TENM3: variants seen among roughly 807,000 people sequenced by gnomAD.
TENM3 encodes teneurin-3.
Under a neutral mutation model 255.1 loss-of-function variants are expected in TENM3, and 63 were observed. That is an observed-to-expected ratio of 0.25 (90% CI 0.20 to 0.30). TENM3 has a LOEUF of 0.30. TENM3 is among the 10% of genes least tolerant of loss of function. TENM3 has a pLI of 1.00. For synonymous variants in TENM3, 1,306 were observed against 1,322.3 expected, an observed-to-expected ratio of 0.99 and a Z score of 0.27; for missense variants, 2,929 against 3,461.1, an observed-to-expected ratio of 0.85 and a Z score of 3.86.
At chr4:182,614,213 T>C (rs1749266125) in intron 4 of TENM3, among the ~76,000 whole-genome samples, 1 of 152,200 alleles carries the variant, frequency 6.6e-6, no homozygotes, top group Admixed American at 6.5e-5. Flanking sequence ...AGAGGCACTT[T>C]AGTGGGAATC....
At chr4:182,736,485 T>G (rs1761175159) in intron 16 of TENM3, among the ~76,000 whole-genome samples, 1 of 152,242 alleles carries the variant, frequency 6.6e-6, no homozygotes, top group South Asian at 2.1e-4. Context: ...GTTTCCCGTA[T>G]GAAGAGTAGC....
At chr4:182,354,602 A>G (rs969947240) in intron 3 of TENM3, among the ~76,000 whole-genome samples, 10 of 152,210 alleles carry the variant, frequency 6.6e-5, no homozygotes, top group Admixed American at 2.0e-4. Flanking sequence ...TTACATACAC[A>G]TATAATTTTA....
chr4:182,285,193 A>G (rs1760656101), intron 1 of TENM3, among the ~76,000 whole-genome samples: 1 of 152,054 alleles, frequency 6.6e-6, no homozygotes, highest in Non-Finnish European at 1.5e-5. Context: ...CTTTGGGTTA[A>G]GCATGGATGG....
At chr4:181,684,585 G>A in the TENM3 span, among the ~76,000 whole-genome samples, 1 of 152,198 alleles carries the variant, frequency 6.6e-6, no homozygotes, top group Non-Finnish European at 1.5e-5. Flanking sequence ...TGCATCAAGA[G>A]CTGGATTGAA....
the TENM3 span, among the ~76,000 whole-genome samples, chr4:181,551,099 C>A: frequency 6.6e-6 from 1 of 151,944 alleles, no homozygotes; most frequent in South Asian, 2.1e-4. Flanking sequence ...CTTTTTTTCC[C>A]CCACCCCTGG....
chr4:181,685,419 T>C, the TENM3 span, among the ~76,000 whole-genome samples: 2 of 152,204 alleles, frequency 1.3e-5, no homozygotes, highest in East Asian at 1.9e-4. Context: ...GTTGGTGCTA[T>C]AGTGAAATCC....
the TENM3 span, among the ~76,000 whole-genome samples, chr4:182,029,633 G>A: frequency 6.6e-6 from 1 of 152,082 alleles, no homozygotes; most frequent in South Asian, 2.1e-4. Context: ...TATTTTGTCT[G>A]ATGTAAGAGT....
intron 11 of TENM3, among the ~76,000 whole-genome samples, chr4:182,686,555 C>CGAA (rs1177720317): frequency 1.3e-5 from 2 of 151,960 alleles, no homozygotes; most frequent in African/African-American, 4.8e-5. Flanking sequence ...ACTTTACACC[C>CGAA]GAAGAAACAT....
intron 11 of TENM3, among the ~76,000 whole-genome samples, chr4:182,683,773 T>C (rs2152569038): frequency 6.6e-6 from 1 of 152,196 alleles, no homozygotes; most frequent in Admixed American, 6.5e-5. Flanking sequence ...GCATGAATTG[T>C]GAGACTTTGA....
intron 1 of TENM3, among the ~76,000 whole-genome samples, chr4:182,202,298 A>C (rs1579695745): frequency 1.6e-5 from 2 of 123,320 alleles, no homozygotes; most frequent in South Asian, 4.7e-4. Context: ...TGTGCACTGC[A>C]CTTTTTTTTT....
chr4:182,259,589 G>A (rs1430958865), intron 1 of TENM3, among the ~76,000 whole-genome samples: 28 of 152,158 alleles, frequency 1.8e-4, no homozygotes, highest in Admixed American at 1.8e-3. Flanking sequence ...CTGGGAACAG[G>A]TGTAAGCCAC....
chr4:182,768,031 C>T (rs1202090435), intron 22 of TENM3, among the ~76,000 whole-genome samples: 1 of 152,168 alleles, frequency 6.6e-6, no homozygotes, highest in Non-Finnish European at 1.5e-5. Flanking sequence ...ACGACATATG[C>T]TGGTCTCGTG....
chr4:181,495,564 A>T, the TENM3 span, among the ~76,000 whole-genome samples: 5 of 151,818 alleles, frequency 3.3e-5, no homozygotes, highest in Admixed American at 2.6e-4. Flanking sequence ...CACGAGAGAG[A>T]GAGAGAGAGA....
intron 3 of TENM3, among the ~76,000 whole-genome samples, chr4:182,496,793 C>T (rs899422037): frequency 2.0e-5 from 3 of 151,994 alleles, no homozygotes; most frequent in African/African-American, 7.3e-5. Flanking sequence ...GCTGGATGTG[C>T]TAGGAAATGA....
At chr4:181,699,442 C>CAAAAAAAAAAAAAAA in the TENM3 span, among the ~76,000 whole-genome samples, 248 of 44,080 alleles carry the variant, frequency 5.6e-3, 5 homozygotes, top group Middle Eastern at 0.033. Flanking sequence ...GACCCTGTCG[C>CAAAAAAAAAAAAAAA]AAAAAAAAAA....
intron 3 of TENM3, among the ~76,000 whole-genome samples, chr4:182,348,322 C>A (rs1764962440): frequency 6.6e-6 from 1 of 152,040 alleles, no homozygotes; most frequent in Non-Finnish European, 1.5e-5. Flanking sequence ...CTCAGTAAAT[C>A]CTGTGTTTCT....
chr4:182,345,562 A>T (rs1764746496), intron 2 of TENM3, among the ~76,000 whole-genome samples: 1 of 152,128 alleles, frequency 6.6e-6, no homozygotes, highest in African/African-American at 2.4e-5. Flanking sequence ...TTGGCACCTA[A>T]ATCTCACACT....
the TENM3 span, among the ~76,000 whole-genome samples, chr4:182,034,696 T>G: frequency 6.6e-6 from 1 of 152,226 alleles, no homozygotes; most frequent in African/African-American, 2.4e-5. Context: ...TCTTTAAGAA[T>G]GTTGAATATC....
the TENM3 span, among the ~76,000 whole-genome samples, chr4:182,061,654 A>G: frequency 6.6e-6 from 1 of 152,156 alleles, no homozygotes; most frequent in East Asian, 1.9e-4. Context: ...AGCGTCACAC[A>G]AAGTAAAAAA....
Sources: gnomAD v4.1 joint callset for allele counts (sites outside exome capture counted in the v4.1 genomes callset) on GRCh38, gnomAD v4.1.1 for gene constraint, MANE v1.5 for transcripts, NCBI Gene and HGNC (gene_info 2026-07-23, HGNC 2026-07-21) for gene names.